SYN3: variants seen among roughly 807,000 people sequenced by gnomAD.
SYN3 encodes the protein synapsin III.
A neutral mutation model predicts 65.8 loss-of-function variants in SYN3; 35 were observed. The ratio of observed to expected loss-of-function variants is 0.53; its 90% CI spans 0.41 to 0.70. The LOEUF is 0.70. Ranked by LOEUF, SYN3 falls within the 30% of genes least tolerant of loss-of-function variation. SYN3 has a pLI of 0.00. For synonymous variants in SYN3, 270 were observed against 292.9 expected (o/e 0.92, Z 0.80); for missense variants, 680 against 749.0 (o/e 0.91, Z 1.08).
chr22:32,755,626 C>T (rs1009628303), intron 6 of SYN3, among the ~76,000 whole-genome samples: 4 of 152,170 alleles, frequency 2.6e-5, no homozygotes, highest in African/African-American at 9.7e-5. Context: ...CCCAAGCCTA[C>T]TGCAAATCCC....
At position 32,801,859 on chromosome 22, in the gene SYN3, C is replaced by T. The variant is rs985726292; in HGVS notation, c.711+63056G>A. On this transcript the variant is annotated intron_variant, in intron 6 of 13. Transcript: ENST00000358763. This position sits in a 1 kb window ranked among gnomAD's most constrained non-coding sequence, Gnocchi z 4.7. ...GCCCCATCCCGTCCCGCCGGGCACT[C>T]GGAGGGCAGCGCGCCGGAGGCCAAG... is the stretch of plus-strand genomic sequence containing the variant. 3.3e-5 allele frequency: 36 copies of T among 1,101,622 alleles called. No homozygotes were observed. The African/African-American group carries it at 5.5e-4, about 17-fold the overall frequency. 68.2% of individuals were successfully genotyped at this position (1,101,622 alleles called of 1,614,324 possible). A position where few individuals can be genotyped will look rare whatever the true frequency, so the allele number is the denominator to read the frequency against.
intron 12 of SYN3, among the ~76,000 whole-genome samples, chr22:32,526,036 G>C (rs922810972): frequency 2.0e-5 from 3 of 152,134 alleles, no homozygotes; most frequent in African/African-American, 7.2e-5. Context: ...CAGCAGAAAG[G>C]TTACTATTCA....
chr22:32,692,571 T>G (rs1340080327), intron 6 of SYN3, among the ~76,000 whole-genome samples: 4 of 152,218 alleles, frequency 2.6e-5, no homozygotes, highest in Non-Finnish European at 4.4e-5. Flanking sequence ...TTGTCATTTG[T>G]GAAAGACCCA....
intron 6 of SYN3, among the ~76,000 whole-genome samples, chr22:32,755,059 G>A (rs143938129): frequency 4.6e-5 from 7 of 152,334 alleles, no homozygotes; most frequent in African/African-American, 1.7e-4. Context: ...TGAGGGACTA[G>A]AGAGCAGAGC....
chr22:32,728,847 G>A (rs1339348910), intron 6 of SYN3, among the ~76,000 whole-genome samples: 2 of 152,186 alleles, frequency 1.3e-5, no homozygotes, highest in Non-Finnish European at 2.9e-5. Flanking sequence ...TTGCCCTGGG[G>A]GTGCGGTGGG....
chr22:32,989,891 C>A (rs933516580), intron 2 of SYN3, among the ~76,000 whole-genome samples: 2 of 151,130 alleles, frequency 1.3e-5, no homozygotes, highest in African/African-American at 4.9e-5. Context: ...CCTCTCCTCT[C>A]TAAAGACACA....
At chr22:32,983,570 T>C (rs5998685) in intron 2 of SYN3, among the ~76,000 whole-genome samples, 30,527 of 152,178 alleles carry the variant, frequency 0.2, 3,522 homozygotes, top group Non-Finnish European at 0.26. Flanking sequence ...TAGGCGGTAG[T>C]TTAGTAGGAA....
intron 4 of SYN3, among the ~76,000 whole-genome samples, chr22:32,872,936 C>CT (rs35506480): frequency 0.045 from 5,233 of 115,098 alleles, 359 homozygotes; most frequent in African/African-American, 0.15. Flanking sequence ...GCCCTAAGCA[C>CT]TTTTTTTTTT....
At chr22:32,776,014 G>A (rs762227054) in intron 6 of SYN3, among the ~76,000 whole-genome samples, 18 of 152,258 alleles carry the variant, frequency 1.2e-4, no homozygotes, top group Non-Finnish European at 2.1e-4. Flanking sequence ...CCCTAAATAC[G>A]ATCACGTGTA....
chr22:32,835,801 T>G (rs969077056), intron 6 of SYN3, among the ~76,000 whole-genome samples: 1 of 152,186 alleles, frequency 6.6e-6, no homozygotes, highest in Admixed American at 6.5e-5. Flanking sequence ...CAATCTGGCA[T>G]TGAGAGCCCT....
At chr22:32,725,475 T>A (rs958387288) in intron 6 of SYN3, among the ~76,000 whole-genome samples, 1 of 152,220 alleles carries the variant, frequency 6.6e-6, no homozygotes, top group African/African-American at 2.4e-5. Flanking sequence ...TCACTTTGCA[T>A]GCCAAAAGGG....
At chr22:32,978,432 T>C (rs1332660683) in intron 3 of SYN3, among the ~76,000 whole-genome samples, 1 of 151,908 alleles carries the variant, frequency 6.6e-6, no homozygotes, top group Non-Finnish European at 1.5e-5. Flanking sequence ...AGATGATGTG[T>C]CCTATTTTGG....
At chr22:33,046,154 T>C (rs543999178) in intron 1 of SYN3, among the ~76,000 whole-genome samples, 6 of 152,272 alleles carry the variant, frequency 3.9e-5, no homozygotes, top group African/African-American at 1.4e-4. Flanking sequence ...CACTAAACTA[T>C]AAAGACGGCT....
intron 2 of SYN3, among the ~76,000 whole-genome samples, chr22:32,991,676 G>A (rs370964173): frequency 8.5e-5 from 13 of 152,078 alleles, no homozygotes; most frequent in South Asian, 2.1e-4. Context: ...CTTCACTCAC[G>A]GACTGATTTG....
chr22:32,761,947 G>C (rs1239115523), intron 6 of SYN3, among the ~76,000 whole-genome samples: 2 of 152,200 alleles, frequency 1.3e-5, no homozygotes, highest in Non-Finnish European at 2.9e-5. Flanking sequence ...TGCGGGGCTT[G>C]TGAATGACTC....
At chr22:33,011,993 A>G (rs2053362055) in intron 1 of SYN3, among the ~76,000 whole-genome samples, 1 of 152,154 alleles carries the variant, frequency 6.6e-6, no homozygotes, top group African/African-American at 2.4e-5. Flanking sequence ...CAGGGCACCA[A>G]CTTGCAGCCT....
intron 6 of SYN3, among the ~76,000 whole-genome samples, chr22:32,702,925 C>G (rs1732870472): frequency 6.6e-6 from 1 of 152,212 alleles, no homozygotes; most frequent in Non-Finnish European, 1.5e-5. Flanking sequence ...TAAGTGCAAT[C>G]TAACCAAAAT....
chr22:32,841,102 G>T (rs547491895), intron 6 of SYN3, among the ~76,000 whole-genome samples: 6 of 152,304 alleles, frequency 3.9e-5, no homozygotes, highest in African/African-American at 1.4e-4. Flanking sequence ...TCTGTGTGTG[G>T]CACTTTATAC....
intron 9 of SYN3, among the ~76,000 whole-genome samples, chr22:32,535,032 C>T (rs1220290694): frequency 3.3e-5 from 5 of 152,152 alleles, no homozygotes; most frequent in East Asian, 3.8e-4. Context: ...ATTCTGGGCC[C>T]GGGGGCTGAC....
Sources: allele counts gnomAD v4.1 joint callset (sites outside exome capture counted in the v4.1 genomes callset), GRCh38; gene constraint gnomAD v4.1.1; non-coding constraint Gnocchi (gnomAD v3.1); transcripts MANE v1.5; gene names NCBI Gene and HGNC (gene_info 2026-07-23, HGNC 2026-07-21).